The following CFAP44 variants were observed in gnomAD, a reference collection of about 807,000 sequenced individuals.
CFAP44 encodes cilia and flagella associated protein 44.
A neutral mutation model predicts 216.2 loss-of-function variants in CFAP44; 134 were observed. That is an observed-to-expected ratio of 0.62 (90% CI 0.54 to 0.72). The LOEUF (loss-of-function observed/expected upper bound fraction) is 0.72. CFAP44 is among the 30% of genes least tolerant of loss of function. The probability of loss-of-function intolerance (pLI) is 0.00; values close to 1 mark genes in which losing one functional copy is unlikely to be tolerated. For missense variants in CFAP44, 2,035 were observed against 2,182.1 expected (o/e 0.93, Z 1.34); for synonymous variants, 700 against 727.6 (o/e 0.96, Z 0.61).
intron 26 of CFAP44, 29 bp downstream of exon 26, chr3:113,330,139 C>A: frequency 6.8e-7 from 1 of 1,470,542 alleles, no homozygotes; most frequent in South Asian, 1.4e-5. Flanking sequence ...TCTCTTTCAG[C>A]TTTAACTAGG....
chr3:113,368,371 G>A lies in CFAP44; in HGVS notation c.2445-2062C>T, dbSNP rs529431488. Among the ~76,000 whole-genome samples the A allele has an allele frequency of 7.8e-4, 119 of 152,278 alleles. 1 individual carries two copies. In the South Asian group the frequency reaches 0.016, roughly 21 times the overall value. ...TCGGGTTACCCACAAAGGGAAGACC[G>A]TCAGACTAACAGCAGATCTCTCGGC... On this transcript the variant is annotated intron_variant, in intron 18 of 34. Transcript: ENST00000393845.
intron 17 of CFAP44, among the ~76,000 whole-genome samples, chr3:113,379,080 T>A (rs1248236191): frequency 6.6e-6 from 1 of 152,102 alleles, no homozygotes; most frequent in African/African-American, 2.4e-5. Flanking sequence ...TACAATTATC[T>A]GCACAAGAAG....
At chr3:113,358,618 T>G in intron 22 of CFAP44, 127 bp downstream of exon 22, 519 of 1,216,350 alleles carry the variant, frequency 4.3e-4, no homozygotes, top group Non-Finnish European at 5.0e-4. Flanking sequence ...GAGGATTCCT[T>G]GAGATTTCAA....
chr3:113,407,623 CA>C, intron 7 of CFAP44, among the ~76,000 whole-genome samples: 2 of 152,302 alleles, frequency 1.3e-5, no homozygotes, highest in Middle Eastern at 6.8e-3. Context: ...ACATCTACCT[CA>C]TAGAATTGTT....
At chr3:113,299,690 G>T (rs1263511272) in intron 32 of CFAP44, among the ~76,000 whole-genome samples, 1 of 152,142 alleles carries the variant, frequency 6.6e-6, no homozygotes, top group East Asian at 1.9e-4. Context: ...AATGGATAAA[G>T]AAAATGTGGT....
chr3:113,407,637 A>C (rs568669709), intron 7 of CFAP44, among the ~76,000 whole-genome samples: 22 of 152,232 alleles, frequency 1.4e-4, no homozygotes, highest in Non-Finnish European at 2.6e-4. Flanking sequence ...GAATTGTTGA[A>C]AAATTCTTAG....
At chr3:113,310,172 C>T (rs1379890615) in intron 28 of CFAP44, among the ~76,000 whole-genome samples, 2 of 152,228 alleles carry the variant, frequency 1.3e-5, no homozygotes, top group Non-Finnish European at 2.9e-5. Flanking sequence ...CACCCCCACC[C>T]TCACCACCAA....
intron 17 of CFAP44, among the ~76,000 whole-genome samples, chr3:113,377,230 G>A (rs1933370930): frequency 6.6e-6 from 1 of 152,224 alleles, no homozygotes; most frequent in Non-Finnish European, 1.5e-5. Context: ...TTGGCCTGCA[G>A]TGTGAGTATT....
intron 32 of CFAP44, among the ~76,000 whole-genome samples, chr3:113,299,552 G>C (rs6801402): frequency 0.28 from 42,873 of 151,998 alleles, 6,769 homozygotes; most frequent in African/African-American, 0.42. Context: ...TCCAGCAATC[G>C]CACTGCTAGA....
intron 14 of CFAP44, 137 bp downstream of exon 14, chr3:113,396,381 G>C: frequency 1.1e-6 from 1 of 928,082 alleles, no homozygotes; most frequent in Middle Eastern, 2.9e-4. Flanking sequence ...GAAAGAATAT[G>C]ACTACAAAGA....
intron 9 of CFAP44, among the ~76,000 whole-genome samples, 175 bp downstream of exon 9, chr3:113,403,677 T>G (rs6808394): frequency 0.17 from 26,339 of 152,232 alleles, 2,397 homozygotes; most frequent in African/African-American, 0.22. Flanking sequence ...TAAATTAATT[T>G]TGACAAGAAT....
intron 6 of CFAP44, among the ~76,000 whole-genome samples, chr3:113,415,493 G>A (rs1333645607): frequency 1.3e-5 from 2 of 152,026 alleles, no homozygotes; most frequent in Non-Finnish European, 2.9e-5. Flanking sequence ...TTTTGATGTG[G>A]GTATTTAGTG....
intron 13 of CFAP44, among the ~76,000 whole-genome samples, chr3:113,399,586 C>G (rs977816730): frequency 2.6e-5 from 4 of 152,126 alleles, no homozygotes; most frequent in African/African-American, 9.7e-5. Flanking sequence ...TGTCGGCACT[C>G]TGTAAATATT....
intron 23 of CFAP44, among the ~76,000 whole-genome samples, chr3:113,342,742 A>T (rs1031199931): frequency 1.3e-5 from 2 of 152,088 alleles, no homozygotes; most frequent in African/African-American, 2.4e-5. Context: ...CCATAATCTT[A>T]TCACTTTGTA....
At chr3:113,399,824 A>T in intron 13 of CFAP44, 82 bp downstream of exon 13, 2 of 935,694 alleles carry the variant, frequency 2.1e-6, no homozygotes, top group Non-Finnish European at 3.0e-6. Context: ...TGAGTCAGCA[A>T]ATATCTATAT....
At chr3:113,377,524 A>G (rs1933380747) in intron 17 of CFAP44, among the ~76,000 whole-genome samples, 1 of 152,238 alleles carries the variant, frequency 6.6e-6, no homozygotes, top group African/African-American at 2.4e-5. Context: ...ATGCAAAAAA[A>G]ACCAGCACTT....
At chr3:113,421,398 T>C (rs762148298) in intron 4 of CFAP44, among the ~76,000 whole-genome samples, 2 of 152,178 alleles carry the variant, frequency 1.3e-5, no homozygotes, top group Non-Finnish European at 2.9e-5. Flanking sequence ...AGTGAGAATG[T>C]AAATCAGTTC....
At chr3:113,347,048 A>G (rs1950391838) in intron 22 of CFAP44, among the ~76,000 whole-genome samples, 1 of 152,194 alleles carries the variant, frequency 6.6e-6, no homozygotes, top group Non-Finnish European at 1.5e-5. Flanking sequence ...ATCGCCATGC[A>G]GTGAGTACCA....
rs1324875106 is a variant in CFAP44 at position 113,296,815 on chromosome 3, T to C, written c.5148A>G (p.Gln1716=). 3 of 1,537,622 alleles carry C rather than the reference T, an allele frequency of 2.0e-6. No individual in the cohort carries two copies. In the Admixed American group the frequency reaches 5.9e-5, roughly 30 times the overall value. The change falls in exon 33 of 35, where the codon CAA becomes CAG. Residue 1716 remains glutamine, a synonymous_variant. Transcript: ENST00000393845. ...CAAGTGTTGTATTAACAGAAAGCGT[T>C]TGAAGGGCTTCTAGATTTACCACAC... ...FGRVVNLEAL[Q]TLSVNTTLEE... is the part of the protein sequence containing the mutation.
Sources: allele counts gnomAD v4.1 joint callset (sites outside exome capture counted in the v4.1 genomes callset), GRCh38; gene constraint gnomAD v4.1.1; transcripts MANE v1.5; gene names NCBI Gene and HGNC (gene_info 2026-07-23, HGNC 2026-07-21).